Variants in RAB43 observed in about 807,000 individuals in gnomAD.
RAB43 encodes RAB43, member RAS oncogene family.
A neutral mutation model predicts 18.8 loss-of-function variants in RAB43; 6 were observed. The observed-to-expected ratio is 0.32, with a 90% confidence interval of 0.17 to 0.63. The LOEUF (loss-of-function observed/expected upper bound fraction) is 0.63, where lower values mean the gene tolerates loss of function less well. Ranked by LOEUF, RAB43 falls within the 30% of genes least tolerant of loss-of-function variation. RAB43 has a pLI of 0.79. For missense variants in RAB43, 195 were observed against 289.1 expected (o/e 0.67, Z 2.36); for synonymous variants, 103 against 124.1 (o/e 0.83, Z 1.13).
In RAB43 at chr3:129,107,287, G is replaced by A. The variant is rs951983321; in HGVS notation, c.205-12118C>T. Among the ~76,000 whole-genome samples the A allele has an allele frequency of 1.3e-5, 2 of 152,188 alleles. No individual in the cohort carries two copies. Among genetic ancestry groups the A allele is most frequent in the African/African-American group, 4.8e-5 (2 of 41,438 alleles). On this transcript the variant is annotated intron_variant, in intron 1 of 2. Coordinates refer to ENST00000315150, the MANE Select transcript of RAB43 (RefSeq NM_198490.3). This position sits in a 1 kb window ranked among gnomAD's most constrained non-coding sequence, Gnocchi z 4.2. ...GCTTCCAAGAAATCTCACTGCCACTGGCACCTCCTGCAGGAATCAAACCCG... is the reference window on the plus strand; with the variant it reads ...GCTTCCAAGAAATCTCACTGCCACTAGCACCTCCTGCAGGAATCAAACCCG...
rs566354423 is a variant in RAB43 at position 129,091,932 on chromosome 3, G to A, written c.389-586C>T. Among the ~76,000 whole-genome samples, 27 of 152,018 alleles carry A rather than the reference G, an allele frequency of 1.8e-4. No homozygotes were observed. In the East Asian group the frequency reaches 3.7e-3, roughly 21 times the overall value. On this transcript the variant is annotated intron_variant, in intron 2 of 2. Transcript: ENST00000315150. ...AAAAAATACAAAAAATTAGCTAGGC[G>A]TGGTGGCGGGGGCCTGTAATCCCAG...
At chr3:129,120,515 G>A (rs1304542511) in intron 1 of RAB43, among the ~76,000 whole-genome samples, 3 of 152,366 alleles carry the variant, frequency 2.0e-5, no homozygotes, top group African/African-American at 7.2e-5. Flanking sequence ...CTAACACCTA[G>A]GTTAAGAAAC....
chr3:129,121,319 C>T lies in RAB43; in HGVS notation c.171G>A (p.Met57Ile), dbSNP rs1349820028. 6.2e-7 allele frequency: 1 copy of T among 1,609,412 alleles called. No homozygotes were observed. Among genetic ancestry groups the T allele is most frequent in the African/African-American group, 1.3e-5 (1 of 74,874 alleles). Residue 57 changes from methionine (M) to isoleucine (I), a missense_variant, in exon 1 of 3, where the codon ATG becomes ATA. Transcript: ENST00000315150. Reference protein sequence around the residue: ...QGSTIGVDFTMKTLEIQGKRV... With the variant: ...QGSTIGVDFTIKTLEIQGKRV... Reference sequence around the variant, plus strand: ...GCTTGCCCTGGATCTCCAGCGTCTTCATGGTGAAGTCGACGCCGATGGTGC... The same window carrying T: ...GCTTGCCCTGGATCTCCAGCGTCTTTATGGTGAAGTCGACGCCGATGGTGC...
chr3:129,106,059 T>C (rs544813748), intron 1 of RAB43, among the ~76,000 whole-genome samples: 1 of 152,196 alleles, frequency 6.6e-6, no homozygotes, highest in South Asian at 2.1e-4. Flanking sequence ...TTTCCAGGGA[T>C]TCCTAGTTCA....
At chr3:129,119,795 T>G (rs1935789997) in intron 1 of RAB43, among the ~76,000 whole-genome samples, 1 of 152,156 alleles carries the variant, frequency 6.6e-6, no homozygotes, top group Non-Finnish European at 1.5e-5. Context: ...ACAGGAACCC[T>G]GCCCCCTCCC....
intron 1 of RAB43, among the ~76,000 whole-genome samples, chr3:129,100,679 C>G (rs1284749467): frequency 6.6e-6 from 1 of 152,188 alleles, no homozygotes; most frequent in Non-Finnish European, 1.5e-5. Flanking sequence ...GGTAGTATTC[C>G]CATCCTATTC....
chr3:129,098,790 G>A (rs529809297), intron 1 of RAB43, among the ~76,000 whole-genome samples: 5 of 152,070 alleles, frequency 3.3e-5, no homozygotes, highest in East Asian at 1.9e-4. Flanking sequence ...TTAAAATTAC[G>A]GGCTGGGTGC....
chr3:129,099,147 A>G (rs1340849018), intron 1 of RAB43, among the ~76,000 whole-genome samples: 1 of 150,232 alleles, frequency 6.7e-6, no homozygotes, highest in African/African-American at 2.4e-5. Context: ...GCTGGAGTGC[A>G]GTGGCGCGGT....
chr3:129,089,407 A>G lies in RAB43; in HGVS notation c.*1689T>C, dbSNP rs1286943465. On this transcript the variant is annotated 3_prime_UTR_variant, in exon 3 of 3. Transcript: ENST00000315150. ...TCCACTCTCACCCCTGCCACAAGCA[A>G]AGCTGCTGAGAAAGGGAGCCAGGCA... The G allele has an allele frequency of 1.9e-4, 26 of 135,242 alleles. No individual in the cohort carries two copies. Among genetic ancestry groups the G allele is most frequent in the African/African-American group, 6.9e-4 (24 of 34,928 alleles). The allele number at this position is 135,242 out of a possible 1,614,324, so 8.4% of individuals were successfully genotyped here. A position where few individuals can be genotyped will look rare whatever the true frequency, so the allele number is the denominator to read the frequency against.
chr3:129,094,999 C>T lies in RAB43; in HGVS notation c.375G>A (p.Val125=). 6.2e-7 allele frequency: 1 copy of T among 1,610,840 alleles called. No homozygotes were observed. Among genetic ancestry groups the T allele is most frequent in the Non-Finnish European group, 8.5e-7 (1 of 1,178,108 alleles). The change falls in exon 2 of 3, where the codon GTG becomes GTA. Residue 125 remains valine, a synonymous_variant. Coordinates refer to ENST00000315150, the MANE Select transcript of RAB43 (RefSeq NM_198490.3). The part of the protein sequence containing the change: ...DVRKYAGSNI[V]QLLIGNKSDL... ...TCCCCAACTCACCGATCAGCAGCTG[C>T]ACAATGTTGGAGCCCGCATACTTCC...
chr3:129,111,479 C>T (rs941091941), intron 1 of RAB43, among the ~76,000 whole-genome samples: 2 of 144,130 alleles, frequency 1.4e-5, no homozygotes, highest in South Asian at 2.2e-4. Context: ...GGCACCACTG[C>T]ACTCCGCCTG....
intron 1 of RAB43, among the ~76,000 whole-genome samples, chr3:129,112,363 A>G (rs1484164080): frequency 2.6e-5 from 4 of 152,190 alleles, no homozygotes; most frequent in African/African-American, 4.8e-5. Flanking sequence ...TCCAATTTTT[A>G]TACTCCATGG....
chr3:129,094,505 CTTTTTTTT>C (rs200896936), intron 2 of RAB43, among the ~76,000 whole-genome samples: 13 of 69,102 alleles, frequency 1.9e-4, no homozygotes, highest in African/African-American at 4.4e-4. Context: ...ATATAACTTT[CTTTTTTTT>C]TTTTTTTTTT....
At chr3:129,108,084 C>T (rs1301386386) in intron 1 of RAB43, among the ~76,000 whole-genome samples, 1 of 152,268 alleles carries the variant, frequency 6.6e-6, no homozygotes, top group African/African-American at 2.4e-5. Flanking sequence ...TCCTCCCTCC[C>T]AGGGCCACAG....
chr3:129,117,236 A>G (rs1372005171), intron 1 of RAB43, among the ~76,000 whole-genome samples: 1 of 152,188 alleles, frequency 6.6e-6, no homozygotes, highest in African/African-American at 2.4e-5. Flanking sequence ...CTTTATTTTA[A>G]GCATGTTCAA....
rs375238318 is a variant in RAB43 at position 129,104,233 on chromosome 3, A to G, written c.205-9064T>C. On this transcript the variant is annotated intron_variant, in intron 1 of 2. Coordinates refer to ENST00000315150, the MANE Select transcript of RAB43 (RefSeq NM_198490.3). The stretch of plus-strand genomic sequence containing the variant: ...CATAAACAACCTTAAACTGCTGAAA[A>G]CATCTGCCAAGTTGAGAGCGGAAAC... Among the ~76,000 whole-genome samples the G allele has an allele frequency of 1.7e-4, 26 of 152,192 alleles. 3 individuals carry two copies. Among genetic ancestry groups the G allele is most frequent in the Admixed American group, 5.9e-4 (9 of 15,284 alleles).
intron 1 of RAB43, among the ~76,000 whole-genome samples, chr3:129,110,223 T>C (rs1042558967): frequency 6.6e-6 from 1 of 152,084 alleles, no homozygotes; most frequent in African/African-American, 2.4e-5. Flanking sequence ...ATAAAATCAA[T>C]AGAAACAGCA....
At position 129,091,289 on chromosome 3, in the gene RAB43, A is replaced by G; in HGVS notation, c.446T>C (p.Leu149Pro). Residue 149 changes from leucine (L) to proline (P), a missense_variant, in exon 3 of 3, where the codon CTG becomes CCG. Leu to Pro is a moderately conservative substitution (Grantham distance 98). Transcript: ENST00000315150. Reference protein sequence around the residue: ...REVSLAEAQSLAEHYDILCAI... With the variant: ...REVSLAEAQSPAEHYDILCAI... ...ACACAGGATGTCATAGTGCTCAGCC[A>G]GGCTCTGTGCCTCAGCCAAGGAGAC... 6.3e-7 allele frequency: 1 copy of G among 1,591,516 alleles called. No homozygotes were observed. Among genetic ancestry groups the G allele is most frequent in the Non-Finnish European group, 8.6e-7 (1 of 1,168,848 alleles).
At chr3:129,121,141 C>A in intron 1 of RAB43, 145 bp downstream of exon 1, 4 of 590,350 alleles carry the variant, frequency 6.8e-6, no homozygotes, top group Non-Finnish European at 1.1e-5. Flanking sequence ...GGGGCCCAGG[C>A]CTGCTCCGAC....
Sources: allele counts gnomAD v4.1 joint callset (sites outside exome capture counted in the v4.1 genomes callset), GRCh38; gene constraint gnomAD v4.1.1; non-coding constraint Gnocchi (gnomAD v3.1); transcripts MANE v1.5; gene names NCBI Gene and HGNC (gene_info 2026-07-23, HGNC 2026-07-21).